CDH7: variants seen among roughly 807,000 people sequenced by gnomAD.
CDH7 encodes cadherin 7.
A neutral mutation model predicts 71.8 loss-of-function variants in CDH7; 25 were observed. That is an observed-to-expected ratio of 0.35 (90% CI 0.25 to 0.49). The LOEUF is 0.49. Among genes scored for constraint, CDH7 ranks in the 20% least tolerant of loss-of-function variants. The probability of loss-of-function intolerance (pLI) is 0.99; values close to 1 mark genes in which losing one functional copy is unlikely to be tolerated. For missense variants in CDH7, 862 were observed against 974.6 expected, an observed-to-expected ratio of 0.88 and a Z score of 1.54; for synonymous variants, 381 against 363.8, an observed-to-expected ratio of 1.05 and a Z score of -0.54.
At chr18:65,812,213 C>T (rs762216192) in intron 3 of CDH7, among the ~76,000 whole-genome samples, 16 of 151,844 alleles carry the variant, frequency 1.1e-4, no homozygotes, top group Non-Finnish European at 8.8e-5. Context: ...GTGATCTGCC[C>T]GACTCAGCCT....
intron 11 of CDH7, among the ~76,000 whole-genome samples, chr18:65,880,054 CA>C (rs377364444): frequency 2.6e-5 from 4 of 151,970 alleles, no homozygotes; most frequent in Non-Finnish European, 4.4e-5. Flanking sequence ...TTAAGGAGTT[CA>C]AAAAAATCCC....
intron 6 of CDH7, among the ~76,000 whole-genome samples, chr18:65,830,568 C>G (rs923353100): frequency 6.7e-6 from 1 of 149,478 alleles, no homozygotes; most frequent in Non-Finnish European, 1.5e-5. Context: ...CTTCCTCTCT[C>G]TCTCCTTCCT....
At chr18:65,783,134 A>G (rs1456273995) in intron 2 of CDH7, among the ~76,000 whole-genome samples, 1 of 152,178 alleles carries the variant, frequency 6.6e-6, no homozygotes, top group Non-Finnish European at 1.5e-5. Context: ...GAGTAGATGA[A>G]TTGCCAAACA....
chr18:65,791,947 C>G (rs78168368), intron 2 of CDH7, among the ~76,000 whole-genome samples: 2,288 of 152,234 alleles, frequency 0.015, 19 homozygotes, highest in Middle Eastern at 0.024. Context: ...CAATGGCTAT[C>G]TCTGGCTTTT....
chr18:65,862,581 A>T, intron 10 of CDH7, 85 bp from the exon 11 acceptor site: 2 of 1,359,510 alleles, frequency 1.5e-6, no homozygotes, highest in Non-Finnish European at 2.0e-6. Context: ...TAAGGCATCA[A>T]AGTAAATAGA....
chr18:65,820,560 T>C (rs1165316705), intron 4 of CDH7, among the ~76,000 whole-genome samples: 1 of 152,170 alleles, frequency 6.6e-6, no homozygotes, highest in Non-Finnish European at 1.5e-5. Flanking sequence ...TTAGTGGGTG[T>C]TCTTCTTTCA....
At chr18:65,855,779 A>G (rs1913332284) in intron 7 of CDH7, among the ~76,000 whole-genome samples, 1 of 152,172 alleles carries the variant, frequency 6.6e-6, no homozygotes, top group South Asian at 2.1e-4. Flanking sequence ...AAAACCAGGT[A>G]GACACAGCAA....
At chr18:65,752,170 T>A (rs1310955759) in intron 1 of CDH7, among the ~76,000 whole-genome samples, 1 of 152,262 alleles carries the variant, frequency 6.6e-6, no homozygotes, top group African/African-American at 2.4e-5. Flanking sequence ...TTTCTGTAGC[T>A]ACTAGACAGG....
intron 2 of CDH7, among the ~76,000 whole-genome samples, chr18:65,782,161 T>TCTTTCTTTCTTC (rs1910325613): frequency 8.9e-6 from 1 of 112,254 alleles, no homozygotes; most frequent in Non-Finnish European, 1.7e-5. Context: ...TTTCTTTCTT[T>TCTTTCTTTCTTC]CTTCCTTTCT....
Position 65,809,983 on chromosome 18 carries a change from G to A in CDH7, c.490G>A (p.Glu164Lys). ...TGGCCCATACACGGCAGGAGTTCCC[G>A]AAATGTCTCCCGTGGGTAAGTAAAG... The part of the protein sequence containing the change: ...LDGPYTAGVP[E>K]MSPVGTSVVQ... Residue 164 changes from glutamate (E) to lysine (K), a missense_variant, in exon 3 of 12, where the codon GAA (glutamate) becomes AAA (lysine). By Grantham distance (56) the Glu-to-Lys change is moderately conservative. Coordinates refer to ENST00000397968, the MANE Select transcript of CDH7 (RefSeq NM_004361.5). The A allele has an allele frequency of 1.2e-6, 2 of 1,610,084 alleles. No individual in the cohort carries two copies. The highest frequency in any genetic ancestry group is 1.7e-5 in the Admixed American group (1 of 59,934).
Position 65,880,591 on chromosome 18 carries a change from T to A in CDH7, c.2055T>A (p.Asp685Glu). 12 of 1,613,778 alleles carry A rather than the reference T, an allele frequency of 7.4e-6. No homozygotes were observed. The highest frequency in any genetic ancestry group is 1.0e-5 in the Non-Finnish European group (12 of 1,179,906). ...TCCGAGACACCAAGACCCGGAGGGA[T>A]GTGACTCCAGAAATTCAATTCCTGA... ...NVIRDTKTRRDVTPEIQFLSR... is the reference protein window; with the variant it reads ...NVIRDTKTRREVTPEIQFLSR... The change falls in exon 12 of 12, where the codon GAT becomes GAA. Residue 685 changes from aspartate (D) to glutamate (E), a missense_variant. Transcript: ENST00000397968.
chr18:65,852,786 TA>T (rs1157299708), intron 7 of CDH7, among the ~76,000 whole-genome samples: 1 of 152,150 alleles, frequency 6.6e-6, no homozygotes, highest in Non-Finnish European at 1.5e-5. Context: ...ATATAATTAT[TA>T]GGCATGCAAA....
intron 3 of CDH7, among the ~76,000 whole-genome samples, chr18:65,813,184 T>C (rs1387411665): frequency 3.3e-5 from 5 of 151,982 alleles, no homozygotes; most frequent in Non-Finnish European, 7.4e-5. Context: ...AATACAAAAT[T>C]AGCTGGGCAT....
intron 6 of CDH7, among the ~76,000 whole-genome samples, chr18:65,831,861 A>T (rs1422682492): frequency 2.0e-5 from 3 of 151,976 alleles, no homozygotes; most frequent in Admixed American, 6.6e-5. Flanking sequence ...GAGTATTTTA[A>T]AAATTATACC....
At chr18:65,790,980 T>C (rs971443762) in intron 2 of CDH7, among the ~76,000 whole-genome samples, 20 of 152,256 alleles carry the variant, frequency 1.3e-4, no homozygotes, top group African/African-American at 4.8e-4. Flanking sequence ...GGGTACATTA[T>C]TTAGACACCT....
intron 1 of CDH7, among the ~76,000 whole-genome samples, chr18:65,759,135 G>A (rs995527769): frequency 6.6e-6 from 1 of 152,072 alleles, no homozygotes; most frequent in African/African-American, 2.4e-5. Flanking sequence ...AGCAAGAAGA[G>A]TACATTAAAC....
intron 2 of CDH7, among the ~76,000 whole-genome samples, chr18:65,790,337 A>C (rs143696861): frequency 1.3e-5 from 2 of 151,980 alleles, no homozygotes; most frequent in African/African-American, 4.8e-5. Context: ...AATTGAACCT[A>C]GTTGATGGTG....
intron 11 of CDH7, 115 bp downstream of exon 11, chr18:65,863,032 G>GTTTGT (rs1160809077): frequency 5.1e-6 from 6 of 1,187,828 alleles, no homozygotes; most frequent in South Asian, 1.5e-5. Flanking sequence ...ACTGGATGGT[G>GTTTGT]TTTGTTTTGT....
intron 2 of CDH7, among the ~76,000 whole-genome samples, chr18:65,801,223 G>T (rs1337078523): frequency 6.6e-6 from 1 of 152,120 alleles, no homozygotes; most frequent in Non-Finnish European, 1.5e-5. Flanking sequence ...TTTAATAGGT[G>T]ATTAGTATAT....
Sources: allele counts gnomAD v4.1 joint callset (sites outside exome capture counted in the v4.1 genomes callset), GRCh38; gene constraint gnomAD v4.1.1; transcripts MANE v1.5; gene names NCBI Gene and HGNC (gene_info 2026-07-23, HGNC 2026-07-21).